The following BRINP3 variants were observed in gnomAD, a reference collection of about 807,000 sequenced individuals.
BRINP3 encodes BMP/retinoic acid inducible neural specific 3.
Under a neutral mutation model 71.0 loss-of-function variants are expected in BRINP3, and 19 were observed. That is an observed-to-expected ratio of 0.27 (90% CI 0.19 to 0.39). BRINP3 has a LOEUF of 0.39. Among genes scored for constraint, BRINP3 ranks in the 10% least tolerant of loss-of-function variants. BRINP3 has a pLI of 1.00. For synonymous variants in BRINP3, 380 were observed against 337.7 expected, an observed-to-expected ratio of 1.13 and a Z score of -1.37; for missense variants, 959 against 940.8, an observed-to-expected ratio of 1.02 and a Z score of -0.25.
intron 2 of BRINP3, among the ~76,000 whole-genome samples, chr1:190,331,820 G>A (rs1331477600): frequency 6.6e-6 from 1 of 151,948 alleles, no homozygotes; most frequent in Non-Finnish European, 1.5e-5. Flanking sequence ...GCAGCAGTGA[G>A]CCTAACACAA....
chr1:190,281,480 G>T (rs965129679), intron 3 of BRINP3, 80 bp downstream of exon 3: 22 of 1,307,004 alleles, frequency 1.7e-5, no homozygotes, highest in Admixed American at 2.1e-5. Context: ...TAGCTATCTT[G>T]ATTAATTAAC....
At chr1:190,115,452 C>A (rs1164026444) in intron 7 of BRINP3, among the ~76,000 whole-genome samples, 1 of 152,054 alleles carries the variant, frequency 6.6e-6, no homozygotes, top group Non-Finnish European at 1.5e-5. Context: ...TAGAATACAG[C>A]AAATGAGAAG....
intron 6 of BRINP3, among the ~76,000 whole-genome samples, chr1:190,195,494 C>T (rs1359859648): frequency 6.6e-6 from 1 of 151,816 alleles, no homozygotes; most frequent in Non-Finnish European, 1.5e-5. Context: ...TTTTATATAT[C>T]CCTTGCTAAA....
At chr1:190,195,631 A>G (rs1343569403) in intron 6 of BRINP3, among the ~76,000 whole-genome samples, 1 of 152,050 alleles carries the variant, frequency 6.6e-6, no homozygotes, top group Non-Finnish European at 1.5e-5. Flanking sequence ...AGAAAGGTAC[A>G]TACATACCTA....
chr1:190,226,544 T>C (rs1008457604), intron 5 of BRINP3, among the ~76,000 whole-genome samples: 2 of 152,022 alleles, frequency 1.3e-5, no homozygotes, highest in African/African-American at 4.8e-5. Context: ...ATAGAGATGA[T>C]TAATCATGGA....
intron 2 of BRINP3, among the ~76,000 whole-genome samples, chr1:190,287,460 T>A (rs2102954961): frequency 6.6e-6 from 1 of 152,208 alleles, no homozygotes; most frequent in South Asian, 2.1e-4. Context: ...AGTAGTAGAG[T>A]TTAATTTTTT....
At chr1:190,226,436 G>A (rs997010008) in intron 5 of BRINP3, 118 bp from the exon 6 acceptor site, 5 of 556,210 alleles carry the variant, frequency 9.0e-6, no homozygotes, top group Middle Eastern at 4.8e-4. Context: ...TTTGAATTAT[G>A]TATTTTTAAA....
intron 2 of BRINP3, among the ~76,000 whole-genome samples, chr1:190,353,287 G>A (rs1299313667): frequency 6.6e-6 from 1 of 151,998 alleles, no homozygotes; most frequent in Non-Finnish European, 1.5e-5. Flanking sequence ...CCATCTTTTA[G>A]TATTCCTCAG....
chr1:190,298,867 C>T (rs971856861), intron 2 of BRINP3, among the ~76,000 whole-genome samples: 1 of 152,102 alleles, frequency 6.6e-6, no homozygotes, highest in Admixed American at 6.5e-5. Flanking sequence ...GCTGACTTTT[C>T]ATCAAGTTGT....
intron 7 of BRINP3, among the ~76,000 whole-genome samples, chr1:190,107,188 A>T (rs1652247484): frequency 6.6e-6 from 1 of 151,988 alleles, no homozygotes; most frequent in Non-Finnish European, 1.5e-5. Flanking sequence ...TACCTTTCAT[A>T]TAAAAATATA....
chr1:190,226,334 A>C lies in BRINP3; in HGVS notation c.725-16T>G. The C allele has an allele frequency of 6.8e-7, 1 of 1,460,942 alleles. No homozygotes were observed. The highest frequency in any genetic ancestry group is 9.2e-7 in the Non-Finnish European group (1 of 1,082,700). The allele number at this position is 1,460,942 out of a possible 1,614,324, so 90.5% of individuals were successfully genotyped here. A position where few individuals can be genotyped will look rare whatever the true frequency, so the allele number is the denominator to read the frequency against. On this transcript the variant is annotated splice_polypyrimidine_tract_variant and intron_variant, in intron 5 of 7. Transcript: ENST00000367462. ...ACTTGAAGCCCTTGAAGAACAAACA[A>C]AGAAATTAACAAATTTACTTTGTTA...
intron 2 of BRINP3, among the ~76,000 whole-genome samples, chr1:190,283,237 G>A (rs972483301): frequency 1.3e-5 from 2 of 151,952 alleles, no homozygotes; most frequent in African/African-American, 4.8e-5. Context: ...GTTTTAATTA[G>A]TGTTTTTCCT....
intron 2 of BRINP3, among the ~76,000 whole-genome samples, chr1:190,355,111 C>A (rs925345342): frequency 1.8e-4 from 27 of 151,688 alleles, no homozygotes; most frequent in Non-Finnish European, 3.2e-4. Context: ...TACTTTCCAG[C>A]CATTATTATA....
rs1666373008 is a variant in BRINP3 at position 190,323,370 on chromosome 1, CA to C, written c.237-41621del. ...CATACCAAAATGATGACTTGATTTT[CA>C]AATATAGTTGTCATATTTAGTGGTC... On this transcript the variant is annotated intron_variant, in intron 2 of 7. Transcript: ENST00000367462. Among the ~76,000 whole-genome samples the C allele has an allele frequency of 2.0e-5, 3 of 151,772 alleles. No individual in the cohort carries two copies. The South Asian group carries it at 6.2e-4, about 32-fold the overall frequency.
In BRINP3 at chr1:190,098,720, C is replaced by T; in HGVS notation, c.1599G>A (p.Met533Ile). 10 of 1,614,194 alleles carry T rather than the reference C, an allele frequency of 6.2e-6. No individual in the cohort carries two copies. The highest frequency in any genetic ancestry group is 8.5e-6 in the Non-Finnish European group (10 of 1,180,032). The change falls in exon 8 of 8, where the codon ATG (methionine) becomes ATA (isoleucine). Residue 533 changes from methionine to isoleucine, a missense_variant. Coordinates refer to ENST00000367462, the MANE Select transcript of BRINP3 (RefSeq NM_199051.3). ...ACTTATTGCTCTTCAAGGTGAGGAG[C>T]ATCCGCTTACGCCAGGAGGGATCAA... ...SWFDPSWRKR[M>I]LLTLKSNKYK... is the part of the protein sequence containing the mutation.
chr1:190,288,345 G>A (rs1663593410), intron 2 of BRINP3, among the ~76,000 whole-genome samples: 1 of 151,722 alleles, frequency 6.6e-6, no homozygotes, highest in East Asian at 1.9e-4. Flanking sequence ...TTTTATTTTA[G>A]CATTTATACT....
chr1:190,278,791 G>C (rs1323941245), intron 3 of BRINP3, among the ~76,000 whole-genome samples: 4 of 151,258 alleles, frequency 2.6e-5, no homozygotes, highest in African/African-American at 9.7e-5. Context: ...CATTTAGAGA[G>C]AGCATACTGC....
At position 190,300,319 on chromosome 1, in the gene BRINP3, C is replaced by T. The variant is rs536976323; in HGVS notation, c.237-18569G>A. ...TTCATTTCATCTTCCATCGCTGATA[C>T]CCTTTCTTCCAGTTGATCGCATCGG... is the stretch of plus-strand genomic sequence containing the variant. On this transcript the variant is annotated intron_variant, in intron 2 of 7. Transcript: ENST00000367462. Among the ~76,000 whole-genome samples, 7 of 152,220 alleles carry T rather than the reference C, an allele frequency of 4.6e-5. No individual in the cohort carries two copies. The East Asian group carries it at 1.4e-3, about 29-fold the overall frequency.
rs1001275345 is a variant in BRINP3 at position 190,129,353 on chromosome 1, T to C, written c.1185-30219A>G. 2.0e-5 allele frequency among the ~76,000 whole-genome samples: 3 copies of C among 151,912 alleles called. 1 individual carries two copies. The South Asian group carries it at 6.2e-4, about 31-fold the overall frequency. On this transcript the variant is annotated intron_variant, in intron 7 of 7. Transcript: ENST00000367462. ...AAAAGTGACATGGTAGTAATTTTAT[T>C]GTCTACTAGATTAAGAGTGCATGGA... is the stretch of plus-strand genomic sequence containing the variant.
Sources: gnomAD v4.1 joint callset for allele counts (sites outside exome capture counted in the v4.1 genomes callset) on GRCh38, gnomAD v4.1.1 for gene constraint, MANE v1.5 for transcripts, NCBI Gene and HGNC (gene_info 2026-07-23, HGNC 2026-07-21) for gene names.